Variants in ERBB3 observed in about 807,000 individuals in gnomAD.
ERBB3 encodes the protein erb-b2 receptor tyrosine kinase 3.
ERBB3 carries 96 observed loss-of-function variants against 156.7 expected under a neutral mutation model. The observed-to-expected ratio is 0.61, with a 90% CI of 0.52 to 0.73. ERBB3 has a LOEUF of 0.73. Among genes scored for constraint, ERBB3 ranks in the 30% least tolerant of loss-of-function variants. The pLI, the probability that ERBB3 is intolerant of heterozygous loss-of-function variation, is 0.00. For synonymous variants in ERBB3, 567 were observed against 632.0 expected, an observed-to-expected ratio of 0.90 and a Z score of 1.54; for missense variants, 1,406 against 1,709.4, an observed-to-expected ratio of 0.82 and a Z score of 3.13.
In ERBB3 at chr12:56,101,510, C is replaced by T; in HGVS notation, c.3503-19C>T. On this transcript the variant is annotated intron_variant, in intron 27 of 27. Transcript: ENST00000267101. The stretch of plus-strand genomic sequence containing the variant: ...TCATGAAGTTCTTCACATACCTAGC[C>T]TTTCTTCTCAACCCCCAGGTACTCC... 6.2e-7 allele frequency: 1 copy of T among 1,613,436 alleles called. No individual in the cohort carries two copies. Among genetic ancestry groups the T allele is most frequent in the Admixed American group, 1.7e-5 (1 of 60,014 alleles).
chr12:56,099,831 GAT>G lies in ERBB3; in HGVS notation c.2938-3_2938-2del, dbSNP rs566285257. On this transcript the variant is annotated splice_polypyrimidine_tract_variant and splice_region_variant and intron_variant, in intron 24 of 27. Transcript: ENST00000267101. The stretch of plus-strand genomic sequence containing the variant: ...GGATTCCCCCTAACAATCACCTATC[GAT>G]ATAGAGAGAGAGTGGGCCTGGAATA... 8.1e-5 allele frequency: 131 copies of G among 1,613,836 alleles called. No individual in the cohort carries two copies. In the Admixed American group the frequency reaches 1.6e-3, roughly 19 times the overall value.
chr12:56,085,857 C>T (rs1868464282), intron 3 of ERBB3, among the ~76,000 whole-genome samples: 1 of 150,888 alleles, frequency 6.6e-6, no homozygotes, highest in African/African-American at 2.4e-5. Flanking sequence ...ATCACAAGGT[C>T]AGGAGATCGA....
rs1434437769 is a variant in ERBB3, at chr12:56,094,173, C to A, written c.1688C>A (p.Ala563Asp). The A allele has an allele frequency of 2.5e-6, 4 of 1,613,636 alleles. No homozygotes were observed. Among genetic ancestry groups the A allele is most frequent in the African/African-American group, 1.3e-5 (1 of 74,886 alleles). The change falls in exon 14 of 28, where the codon GCC becomes GAC. Residue 563 changes from alanine (A) to aspartate (D), a missense_variant. Physicochemically the swap from Ala to Asp is moderately radical, Grantham distance 126. This residue lies in a region of ERBB3 where 979 missense variants were observed against 1,219.6 expected (regional missense o/e 0.80). Transcript: ENST00000267101. The stretch of plus-strand genomic sequence containing the variant: ...GAATGCCAACCCATGGAGGGCACTG[C>A]CACATGCAATGGCTCGGTATACTAG... ...HPECQPMEGT[A>D]TCNGSGSDTC...
chr12:56,093,157 A>ACTG, intron 11 of ERBB3, 81 bp downstream of exon 11: 1 of 1,233,078 alleles, frequency 8.1e-7, no homozygotes, highest in Non-Finnish European at 1.2e-6. Context: ...AATACAAGGC[A>ACTG]CTGTCTCATA....
chr12:56,090,085 T>G (rs536734825), intron 9 of ERBB3, among the ~76,000 whole-genome samples: 180 of 151,776 alleles, frequency 1.2e-3, no homozygotes, highest in African/African-American at 4.1e-3. Flanking sequence ...CCGCCTCCTC[T>G]GCCTCCCGGG....
At chr12:56,096,267 TC>T in intron 17 of ERBB3, 1 of 585,870 alleles carries the variant, frequency 1.7e-6, no homozygotes, top group Non-Finnish European at 3.0e-6. Flanking sequence ...CACTTTGTGC[TC>T]CTCCATCAAA....
intron 9 of ERBB3, 102 bp downstream of exon 9, chr12:56,088,970 A>C (rs1868578659): frequency 1.3e-6 from 2 of 1,494,662 alleles, no homozygotes; most frequent in African/African-American, 2.8e-5. Context: ...TAGGAATCAA[A>C]GTCATAAAAT....
chr12:56,086,092 G>A (rs1386388675), intron 3 of ERBB3, among the ~76,000 whole-genome samples: 3 of 144,020 alleles, frequency 2.1e-5, no homozygotes, highest in Non-Finnish European at 3.0e-5. Context: ...AAAAACCAAA[G>A]TACAGTATAC....
intron 3 of ERBB3, among the ~76,000 whole-genome samples, chr12:56,085,883 C>T (rs1404452464): frequency 2.0e-5 from 3 of 150,788 alleles, no homozygotes; most frequent in African/African-American, 7.3e-5. Context: ...TCCTGGCTAA[C>T]ACGGTGAAAC....
rs775183935 is a variant in ERBB3 at position 56,097,211 on chromosome 12, G to A, written c.2441G>A (p.Trp814Ter). The change falls in exon 20 of 28, where the codon TGG (tryptophan) becomes TAG (stop). Residue 814 changes from tryptophan to a stop codon, truncating the protein, a stop_gained. Transcript: ENST00000267101. LOFTEE classifies it high-confidence loss of function. Reference protein sequence around the residue: ...GALGPQLLLNWGVQIAKGMYY... With the variant: ...GALGPQLLLN ...CTGGGGCCACAGCTGCTGCTCAACT[G>A]GGGAGTACAAATTGCCAAGGTGAGA... The A allele has an allele frequency of 6.2e-7, 1 of 1,614,058 alleles. No homozygotes were observed. The highest frequency in any genetic ancestry group is 1.1e-5 in the South Asian group (1 of 91,082).
chr12:56,087,390 G>T (rs1252471933), intron 4 of ERBB3, among the ~76,000 whole-genome samples, 187 bp from the exon 5 acceptor site: 1 of 152,112 alleles, frequency 6.6e-6, no homozygotes, highest in African/African-American at 2.4e-5. Flanking sequence ...GTGTGGAGGC[G>T]TGGCCGCGCC....
At chr12:56,080,511 C>T (rs746237453) in intron 1 of ERBB3, 129 bp downstream of exon 1, 11 of 745,322 alleles carry the variant, frequency 1.5e-5, no homozygotes, top group Non-Finnish European at 2.2e-5. Flanking sequence ...TTTGCCAGGA[C>T]CACCTGGGAG....
chr12:56,092,249 C>T (rs1343628364), intron 9 of ERBB3, among the ~76,000 whole-genome samples: 1 of 151,626 alleles, frequency 6.6e-6, no homozygotes, highest in Non-Finnish European at 1.5e-5. Flanking sequence ...ATTAGCCAGG[C>T]ATGGTGGTGT....
rs376234145 is a variant in ERBB3, at chr12:56,101,098, G to A, written c.3239G>A (p.Arg1080His). 3.4e-5 allele frequency: 55 copies of A among 1,613,832 alleles called. No homozygotes were observed. The highest frequency in any genetic ancestry group is 4.5e-5 in the Non-Finnish European group (53 of 1,179,988). The stretch of plus-strand genomic sequence containing the variant: ...TCTGGGAGCAGTGAACGGTGCCCCC[G>A]TCCAGTCTCTCTACACCCAATGCCA... ...AVSGSSERCP[R>H]PVSLHPMPRG... Residue 1080 changes from arginine to histidine, a missense_variant, in exon 27 of 28, where the codon CGT (arginine) becomes CAT (histidine). This residue lies in a region of ERBB3 where 415 missense variants were observed against 454.1 expected (regional missense o/e 0.91). Transcript: ENST00000267101.
intron 23 of ERBB3, 32 bp downstream of exon 23, chr12:56,098,937 C>CT (rs753713010): frequency 6.6e-7 from 1 of 1,526,586 alleles, no homozygotes; most frequent in Non-Finnish European, 8.9e-7. Flanking sequence ...ACCATTTTCT[C>CT]TTTTTTTCTT....
At chr12:56,089,523 G>A (rs572578210) in intron 9 of ERBB3, among the ~76,000 whole-genome samples, 5 of 152,194 alleles carry the variant, frequency 3.3e-5, no homozygotes, top group South Asian at 2.1e-4. Flanking sequence ...CGAGGTGGGC[G>A]GATTACGAGG....
At chr12:56,093,663 A>C in intron 12 of ERBB3, 101 bp from the exon 13 acceptor site, 1 of 1,572,940 alleles carries the variant, frequency 6.4e-7, no homozygotes, top group Non-Finnish European at 8.7e-7. Context: ...ACCAAGGAGA[A>C]GGGGGCTGTT....
At chr12:56,097,356 TC>T in intron 20 of ERBB3, 126 bp downstream of exon 20, 2 of 864,966 alleles carry the variant, frequency 2.3e-6, no homozygotes, top group Non-Finnish European at 1.9e-6. Flanking sequence ...CTGGTACCAG[TC>T]CATGGCCTGT....
rs1869166236 is a variant in ERBB3, at chr12:56,102,828, A to AAAAC, written c.*776_*777insCAAA. The AAAAC allele has an allele frequency of 2.8e-5, 6 of 214,782 alleles. No homozygotes were observed. The highest frequency in any genetic ancestry group is 5.6e-5 in the Non-Finnish European group (6 of 107,094). The allele number at this position is 214,782 out of a possible 1,614,324, so 13.3% of individuals were successfully genotyped here. ...CTTTAAAAAAAAAAAAAAAAAAAAAAAAAAAACTTTAGAACTGGGTGCAGT... is the reference window on the plus strand; with the variant it reads ...CTTTAAAAAAAAAAAAAAAAAAAAAAAAACAAAAAACTTTAGAACTGGGTGCAGT... On this transcript the variant is annotated 3_prime_UTR_variant, in exon 28 of 28. Transcript: ENST00000267101.
Sources: gnomAD v4.1 joint callset for allele counts (sites outside exome capture counted in the v4.1 genomes callset) on GRCh38, gnomAD v4.1.1 for gene constraint, gnomAD v4.1.1 regional missense constraint, MANE v1.5 for transcripts, NCBI Gene and HGNC (gene_info 2026-07-23, HGNC 2026-07-21) for gene names.